The following TENM3 variants were observed in gnomAD, a reference collection of about 807,000 sequenced individuals.
TENM3 encodes the protein teneurin-3.
In TENM3, 63 loss-of-function variants were observed where a neutral mutation model predicts 255.1. That is an observed-to-expected ratio of 0.25 (90% CI 0.20 to 0.30). The LOEUF is 0.30. Ranked by LOEUF, TENM3 falls within the 10% of genes least tolerant of loss-of-function variation. The pLI is 1.00. For synonymous variants in TENM3, 1,306 were observed against 1,322.3 expected, an observed-to-expected ratio of 0.99 and a Z score of 0.27; for missense variants, 2,929 against 3,461.1, an observed-to-expected ratio of 0.85 and a Z score of 3.86.
chr4:181,514,202 T>A, the TENM3 span, among the ~76,000 whole-genome samples: 1 of 152,184 alleles, frequency 6.6e-6, no homozygotes, highest in Admixed American at 6.5e-5. Context: ...CTCCGACCCT[T>A]TCCACAACAG....
intron 3 of TENM3, among the ~76,000 whole-genome samples, chr4:182,463,126 C>G (rs527365172): frequency 7.2e-5 from 11 of 152,070 alleles, no homozygotes; most frequent in African/African-American, 2.2e-4. Flanking sequence ...CTGGTTCAAG[C>G]CTGTGTTGTT....
chr4:182,332,807 C>T (rs1298642715), intron 2 of TENM3, among the ~76,000 whole-genome samples: 1 of 150,220 alleles, frequency 6.7e-6, no homozygotes, highest in Non-Finnish European at 1.5e-5. Flanking sequence ...AAATTTAAAA[C>T]AGACAAAACA....
chr4:182,433,680 G>A (rs1771831683), intron 3 of TENM3, among the ~76,000 whole-genome samples: 1 of 152,198 alleles, frequency 6.6e-6, no homozygotes, highest in Non-Finnish European at 1.5e-5. Flanking sequence ...CATTCAATGA[G>A]GATTTGAACA....
the TENM3 span, among the ~76,000 whole-genome samples, chr4:181,780,754 GTTTTTTAGGTCTAACATTTAAGTC>G: frequency 2.6e-5 from 4 of 152,038 alleles, no homozygotes. Flanking sequence ...TTCTTCTAGG[GTTTTTTAGGTCTAACATTTAAGTC>G]TTTTTGAATT....
the TENM3 span, among the ~76,000 whole-genome samples, chr4:181,837,859 G>A: frequency 1.3e-5 from 2 of 152,142 alleles, no homozygotes; most frequent in African/African-American, 4.8e-5. Flanking sequence ...AAACCTTAGG[G>A]ACAAGCATGG....
chr4:182,174,389 CAAA>C (rs34627421), intron 1 of TENM3, among the ~76,000 whole-genome samples: 1 of 110,460 alleles, frequency 9.1e-6, no homozygotes, highest in Non-Finnish European at 1.9e-5. Flanking sequence ...TATGTGGCTG[CAAA>C]AAAAAAAAAA....
the TENM3 span, among the ~76,000 whole-genome samples, chr4:181,847,400 G>A: frequency 6.6e-6 from 1 of 151,984 alleles, no homozygotes; most frequent in Non-Finnish European, 1.5e-5. Context: ...ATTTGAGGAG[G>A]TATCATTTGC....
At chr4:181,931,703 A>G in the TENM3 span, among the ~76,000 whole-genome samples, 2 of 152,132 alleles carry the variant, frequency 1.3e-5, no homozygotes, top group South Asian at 4.1e-4. Flanking sequence ...GAGTCCGTAT[A>G]GCCAAGGCAA....
the TENM3 span, among the ~76,000 whole-genome samples, chr4:182,002,702 C>T: frequency 1.3e-5 from 2 of 152,074 alleles, no homozygotes; most frequent in Non-Finnish European, 2.9e-5. Context: ...CCTCAAAAAA[C>T]TGTTACTCCT....
chr4:181,548,563 G>A, the TENM3 span, among the ~76,000 whole-genome samples: 1 of 152,140 alleles, frequency 6.6e-6, no homozygotes, highest in Non-Finnish European at 1.5e-5. Flanking sequence ...AATTAACTGA[G>A]AGGTGTTCTC....
At chr4:182,173,840 T>G (rs1419876823) in intron 1 of TENM3, among the ~76,000 whole-genome samples, 1 of 152,186 alleles carries the variant, frequency 6.6e-6, no homozygotes, top group Non-Finnish European at 1.5e-5. Flanking sequence ...TTAAAGATAA[T>G]GTGGATAAAT....
the TENM3 span, among the ~76,000 whole-genome samples, chr4:181,944,229 AATCC>A: frequency 6.6e-6 from 1 of 150,792 alleles, no homozygotes; most frequent in Admixed American, 6.6e-5. Flanking sequence ...CTGGTGGTGC[AATCC>A]CGTCTGAGTC....
At chr4:181,947,966 TC>T in the TENM3 span, among the ~76,000 whole-genome samples, 2 of 152,132 alleles carry the variant, frequency 1.3e-5, no homozygotes, top group Non-Finnish European at 2.9e-5. Flanking sequence ...TCACACTTTT[TC>T]CATGAGACTC....
At chr4:182,725,884 C>G (rs867945093) in intron 13 of TENM3, among the ~76,000 whole-genome samples, 1 of 151,982 alleles carries the variant, frequency 6.6e-6, no homozygotes, top group Non-Finnish European at 1.5e-5. Context: ...GTGATCCACC[C>G]GCCTCGGCCT....
chr4:182,147,040 C>T (rs2149562213), intron 1 of TENM3, among the ~76,000 whole-genome samples: 1 of 152,140 alleles, frequency 6.6e-6, no homozygotes, highest in African/African-American at 2.4e-5. Context: ...GAAAAAAGCT[C>T]CTAAAGAGAG....
the TENM3 span, among the ~76,000 whole-genome samples, chr4:181,798,498 A>T: frequency 3.9e-5 from 6 of 152,166 alleles, no homozygotes; most frequent in Admixed American, 3.9e-4. Context: ...CTGGGATAGC[A>T]TCATGGTGCT....
At chr4:182,758,921 A>C (rs764303142) in intron 22 of TENM3, among the ~76,000 whole-genome samples, 3 of 152,218 alleles carry the variant, frequency 2.0e-5, no homozygotes, top group Non-Finnish European at 2.9e-5. Flanking sequence ...TTTTCAGCTC[A>C]AATTCCCATT....
chr4:182,508,833 GA>G (rs1345303001), intron 3 of TENM3, among the ~76,000 whole-genome samples: 1 of 152,126 alleles, frequency 6.6e-6, no homozygotes, highest in Non-Finnish European at 1.5e-5. Context: ...TCTTAGGCAG[GA>G]ATATTTTCTC....
At chr4:182,585,220 T>A (rs1423341362) in intron 3 of TENM3, among the ~76,000 whole-genome samples, 1 of 152,152 alleles carries the variant, frequency 6.6e-6, no homozygotes, top group African/African-American at 2.4e-5. Context: ...TATTACCCCA[T>A]TTTACAGGTG....
Sources: gnomAD v4.1 joint callset for allele counts (sites outside exome capture counted in the v4.1 genomes callset) on GRCh38, gnomAD v4.1.1 for gene constraint, MANE v1.5 for transcripts, NCBI Gene and HGNC (gene_info 2026-07-23, HGNC 2026-07-21) for gene names.